Variants in MYOZ1 observed in about 807,000 individuals in gnomAD.
MYOZ1 encodes the protein myozenin 1, also known as myozenin-1.
Under a neutral mutation model 28.7 loss-of-function variants are expected in MYOZ1, and 20 were observed. The observed-to-expected ratio is 0.70, with a 90% CI of 0.49 to 1.01. MYOZ1 has a LOEUF of 1.01. Ranked by LOEUF, MYOZ1 falls within the 50% of genes least tolerant of loss-of-function variation. The pLI is 0.00. For synonymous variants in MYOZ1, 144 were observed against 145.8 expected (o/e 0.99, Z 0.09); for missense variants, 371 against 372.4 (o/e 1.00, Z 0.03).
intron 2 of MYOZ1, among the ~76,000 whole-genome samples, chr10:73,639,104 C>T (rs907191392): frequency 6.6e-6 from 1 of 151,328 alleles, no homozygotes. Flanking sequence ...ACAGCCCCAG[C>T]CCTATTTGTA....
intron 4 of MYOZ1, 38 bp downstream of exon 4, chr10:73,634,446 A>G (rs1356996314): frequency 6.2e-7 from 1 of 1,609,568 alleles, no homozygotes; most frequent in Non-Finnish European, 8.5e-7. Context: ...ACTCTGCTCT[A>G]GGGACCAAAC....
rs1203529429 is a variant in MYOZ1, at chr10:73,637,772, T to G, written c.224A>C (p.His75Pro). 6.2e-7 allele frequency: 1 copy of G among 1,613,782 alleles called. No homozygotes were observed. Among genetic ancestry groups the G allele is most frequent in the Non-Finnish European group, 8.5e-7 (1 of 1,179,958 alleles). ...MRVEKFIYEN[H>P]PDVFSDSSMD... ...TGAGCTGTCAGAGAAAACATCAGGG[T>G]GGTTCTCATAAATAAACTTCTCCAC... is the stretch of plus-strand genomic sequence containing the variant. Residue 75 changes from histidine to proline, a missense_variant, in exon 3 of 6, where the codon CAC becomes CCC. Transcript: ENST00000359322.
At chr10:73,633,135 A>T (rs1052203360) in intron 5 of MYOZ1, among the ~76,000 whole-genome samples, 1 of 151,902 alleles carries the variant, frequency 6.6e-6, no homozygotes. Context: ...CATCTCTACT[A>T]AAAATACAAA....
At chr10:73,632,659 C>T (rs2081641922) in intron 5 of MYOZ1, among the ~76,000 whole-genome samples, 1 of 151,486 alleles carries the variant, frequency 6.6e-6, no homozygotes, top group Admixed American at 6.6e-5. Flanking sequence ...TGGCGCACCC[C>T]TGTCATCCCA....
chr10:73,638,736 A>T (rs2081684920), intron 2 of MYOZ1, among the ~76,000 whole-genome samples: 1 of 151,428 alleles, frequency 6.6e-6, no homozygotes, highest in African/African-American at 2.4e-5. Context: ...GCGCGATTGC[A>T]GCTCACTGCA....
rs1227933874 is a variant in MYOZ1, at chr10:73,632,059, G to C, written c.771C>G (p.Leu257=). The C allele has an allele frequency of 2.5e-6, 4 of 1,614,182 alleles. No homozygotes were observed. Among genetic ancestry groups the C allele is most frequent in the Non-Finnish European group, 3.4e-6 (4 of 1,180,036 alleles). Reference sequence around the variant, plus strand: ...GCCTGTTGGAGAGGTTTTGGTTGTAGAGGACCAGGGGTTCACTCAGCAAGG... The same window carrying C: ...GCCTGTTGGAGAGGTTTTGGTTGTACAGGACCAGGGGTTCACTCAGCAAGG... ...LGPLLSEPLV[L]YNQNLSNRPS... is the part of the protein sequence containing the mutation. The change falls in exon 6 of 6, where the codon CTC becomes CTG. Residue 257 remains leucine, a synonymous_variant. Transcript: ENST00000359322.
Position 73,637,768 on chromosome 10 carries a change from A to G in MYOZ1, c.228T>C (p.Pro76=). The G allele has an allele frequency of 6.2e-7, 1 of 1,613,702 alleles. No individual in the cohort carries two copies. The highest frequency in any genetic ancestry group is 1.1e-5 in the South Asian group (1 of 90,972). The change falls in exon 3 of 6, where the codon CCT becomes CCC. Residue 76 remains proline (P), a synonymous_variant. Transcript: ENST00000359322. ...RVEKFIYENH[P]DVFSDSSMDH... is the part of the protein sequence containing the mutation. ...CCATTGAGCTGTCAGAGAAAACATC[A>G]GGGTGGTTCTCATAAATAAACTTCT... is the stretch of plus-strand genomic sequence containing the variant.
chr10:73,638,292 C>T (rs2081680319), intron 2 of MYOZ1, among the ~76,000 whole-genome samples: 1 of 143,186 alleles, frequency 7.0e-6, no homozygotes, highest in Admixed American at 7.0e-5. Context: ...ATACAGATGC[C>T]ATATATATAT....
Position 73,634,035 on chromosome 10 carries a change from A to G in MYOZ1, c.533T>C (p.Ile178Thr), listed in dbSNP as rs760427777. 6.2e-7 allele frequency: 1 copy of G among 1,613,952 alleles called. No individual in the cohort carries two copies. The highest frequency in any genetic ancestry group is 1.3e-5 in the African/African-American group (1 of 75,030). Reference protein sequence around the residue: ...GDQAGGEGKHITVFKTYISPW... With the variant: ...GDQAGGEGKHTTVFKTYISPW... ...GGAAATATAGGTCTTGAACACAGTG[A>G]TATGTTTTCCTTCTCCGCCTGCCTG... The change falls in exon 5 of 6, where the codon ATC becomes ACC. Residue 178 changes from isoleucine to threonine, a missense_variant. Physicochemically the swap from Ile to Thr is moderately conservative, Grantham distance 89. Transcript: ENST00000359322.
In MYOZ1 at chr10:73,631,824, A is replaced by G. The variant is rs933563777; in HGVS notation, c.*106T>C. The stretch of plus-strand genomic sequence containing the variant: ...AGGTAGATCTCTCCTTTTTCCCTCC[A>G]TTCCCATAAGGATACTGGATTAACA... On this transcript the variant is annotated 3_prime_UTR_variant, in exon 6 of 6. Transcript: ENST00000359322. 3 of 980,794 alleles carry G rather than the reference A, an allele frequency of 3.1e-6. No homozygotes were observed. The highest frequency in any genetic ancestry group is 3.1e-4 in the Middle Eastern group (1 of 3,182). The allele number at this position is 980,794 out of a possible 1,614,324, so 60.8% of individuals were successfully genotyped here.
chr10:73,633,345 T>C (rs990555492), intron 5 of MYOZ1, among the ~76,000 whole-genome samples: 3 of 151,884 alleles, frequency 2.0e-5, no homozygotes, highest in African/African-American at 7.3e-5. Flanking sequence ...GGAAATAGAA[T>C]CATATTACAG....
chr10:73,635,792 C>G (rs1396689426), intron 3 of MYOZ1, among the ~76,000 whole-genome samples: 1 of 152,176 alleles, frequency 6.6e-6, no homozygotes, highest in African/African-American at 2.4e-5. Context: ...TCAGAACTCT[C>G]TTCTCTCTCC....
intron 5 of MYOZ1, 88 bp from the exon 6 acceptor site, chr10:73,632,249 A>T: frequency 8.4e-7 from 1 of 1,194,040 alleles, no homozygotes; most frequent in Non-Finnish European, 1.2e-6. Context: ...GAGAATAGGG[A>T]AGTCTGTGAA....
Position 73,632,096 on chromosome 10 carries a change from A to G in MYOZ1, c.734T>C (p.Phe245Ser). Residue 245 changes from phenylalanine (F) to serine (S), a missense_variant, in exon 6 of 6, where the codon TTT becomes TCT. Phe to Ser is a radical substitution (Grantham distance 155). Coordinates refer to ENST00000359322, the MANE Select transcript of MYOZ1 (RefSeq NM_021245.4). The stretch of plus-strand genomic sequence containing the variant: ...TTCACTCAGCAAGGGCCCCAGGTCA[A>G]ACTTGGGCATCTGGAAGGTCATGCG... ...SKRMTFQMPK[F>S]DLGPLLSEPL... is the part of the protein sequence containing the mutation. 2.5e-6 allele frequency: 4 copies of G among 1,614,208 alleles called. No homozygotes were observed. Among genetic ancestry groups the G allele is most frequent in the Non-Finnish European group, 2.5e-6 (3 of 1,180,040 alleles).
intron 3 of MYOZ1, among the ~76,000 whole-genome samples, chr10:73,635,204 G>C (rs1004826635): frequency 6.6e-6 from 1 of 151,698 alleles, no homozygotes; most frequent in Admixed American, 6.6e-5. Flanking sequence ...GATTACAGGC[G>C]TTAGCCACCG....
At position 73,637,806 on chromosome 10, in the gene MYOZ1, G is replaced by A; in HGVS notation, c.190C>T (p.Gln64Ter). ...TAAATAAACTTCTCCACCCTCATCT[G>A]CCGCAGTTTGAACATCTTGGAGCCC... ...NRGSKMFKLR[Q>*]MRVEKFIYEN... The change falls in exon 3 of 6, where the codon CAG (glutamine) becomes TAG (stop). Residue 64 changes from glutamine (Q) to a stop codon, truncating the protein, a stop_gained. Coordinates refer to ENST00000359322, the MANE Select transcript of MYOZ1 (RefSeq NM_021245.4). LOFTEE classifies it high-confidence loss of function. 1.9e-6 allele frequency: 3 copies of A among 1,614,142 alleles called. No homozygotes were observed. Among genetic ancestry groups the A allele is most frequent in the Non-Finnish European group, 2.5e-6 (3 of 1,180,036 alleles).
In MYOZ1 at chr10:73,632,137, A is replaced by G. The variant is rs772257893; in HGVS notation, c.693T>C (p.Tyr231=). Residue 231 remains tyrosine (Y), a synonymous_variant, in exon 6 of 6, where the codon TAT becomes TAC. Coordinates refer to ENST00000359322, the MANE Select transcript of MYOZ1 (RefSeq NM_021245.4). ...AGGTCATGCGTTTGGAGGCCTTCTC[A>G]TATCCACCATAGGGCATTGCCGTCC... is the stretch of plus-strand genomic sequence containing the variant. ...FNRTAMPYGG[Y]EKASKRMTFQ... is the part of the protein sequence containing the mutation. The G allele has an allele frequency of 1.2e-6, 2 of 1,614,194 alleles. No individual in the cohort carries two copies. Among genetic ancestry groups the G allele is most frequent in the East Asian group, 2.2e-5 (1 of 44,888 alleles).
intron 3 of MYOZ1, among the ~76,000 whole-genome samples, chr10:73,635,474 C>G (rs1272901979): frequency 1.3e-5 from 2 of 152,128 alleles, no homozygotes; most frequent in African/African-American, 4.8e-5. Context: ...CTCCACCTCC[C>G]TGGCTCAGGC....
intron 4 of MYOZ1, 45 bp from the exon 5 acceptor site, chr10:73,634,110 G>A (rs748174450): frequency 6.2e-7 from 1 of 1,610,638 alleles, no homozygotes; most frequent in African/African-American, 1.3e-5. Context: ...ATAGCATTTA[G>A]TAGCCAATGA....
Sources: gnomAD v4.1 joint callset for allele counts (sites outside exome capture counted in the v4.1 genomes callset) on GRCh38, gnomAD v4.1.1 for gene constraint, MANE v1.5 for transcripts, NCBI Gene and HGNC (gene_info 2026-07-23, HGNC 2026-07-21) for gene names.